PIK3C2A: variants seen among roughly 807,000 people sequenced by gnomAD.
PIK3C2A encodes phosphatidylinositol-4-phosphate 3-kinase catalytic subunit type 2 alpha.
A neutral mutation model predicts 204.5 loss-of-function variants in PIK3C2A; 97 were observed. The observed-to-expected ratio is 0.47, with a 90% CI of 0.40 to 0.56. The LOEUF is 0.56. Among genes scored for constraint, PIK3C2A ranks in the 20% least tolerant of loss-of-function variants. The probability of loss-of-function intolerance (pLI) is 0.00; values close to 1 mark genes in which losing one functional copy is unlikely to be tolerated. For synonymous variants in PIK3C2A, 653 were observed against 664.4 expected (o/e 0.98, Z 0.26); for missense variants, 1,735 against 1,969.2 (o/e 0.88, Z 2.25).
At chr11:17,205,238 G>A (rs556158218) in intron 1 of PIK3C2A, among the ~76,000 whole-genome samples, 2 of 151,462 alleles carry the variant, frequency 1.3e-5, no homozygotes, top group South Asian at 4.2e-4. Flanking sequence ...TTGGGAGGCC[G>A]AGGTGGGCAG....
chr11:17,137,025 C>T (rs1013004561), intron 8 of PIK3C2A, among the ~76,000 whole-genome samples: 21 of 152,106 alleles, frequency 1.4e-4, no homozygotes, highest in Non-Finnish European at 2.5e-4. Context: ...CTTCAGAGGT[C>T]GGTCACATAT....
chr11:17,126,079 A>G (rs1204534937), intron 13 of PIK3C2A, among the ~76,000 whole-genome samples: 1 of 152,104 alleles, frequency 6.6e-6, no homozygotes, highest in Non-Finnish European at 1.5e-5. Context: ...AGCCAAGATC[A>G]TGCCATTGCA....
At chr11:17,117,447 C>A in intron 19 of PIK3C2A, 44 bp downstream of exon 19, 10 of 1,361,094 alleles carry the variant, frequency 7.3e-6, no homozygotes, top group Non-Finnish European at 1.0e-5. Context: ...AAAGATCCTT[C>A]CTTTAACATT....
At chr11:17,153,389 C>A (rs907808576) in intron 3 of PIK3C2A, among the ~76,000 whole-genome samples, 1 of 151,094 alleles carries the variant, frequency 6.6e-6, no homozygotes, top group African/African-American at 2.4e-5. Context: ...GAACTGAGAT[C>A]GCACCACTGC....
intron 1 of PIK3C2A, among the ~76,000 whole-genome samples, chr11:17,172,063 A>G (rs1224527825): frequency 6.6e-6 from 1 of 152,236 alleles, no homozygotes; most frequent in Admixed American, 6.5e-5. Context: ...TTGGTTGCCA[A>G]GACTGAAAAT....
At chr11:17,093,718 A>G (rs1590893298) in intron 28 of PIK3C2A, among the ~76,000 whole-genome samples, 1 of 151,102 alleles carries the variant, frequency 6.6e-6, no homozygotes, top group South Asian at 2.1e-4. Context: ...GCTCACTGCA[A>G]CCTCCACATC....
chr11:17,187,530 CAG>C (rs567547762), intron 1 of PIK3C2A, among the ~76,000 whole-genome samples: 172 of 152,242 alleles, frequency 1.1e-3, no homozygotes, highest in African/African-American at 3.9e-3. Context: ...CACCCATTAG[CAG>C]AGTTTCTCAT....
At chr11:17,118,042 C>T (rs1179863077) in intron 18 of PIK3C2A, among the ~76,000 whole-genome samples, 2 of 149,806 alleles carry the variant, frequency 1.3e-5, no homozygotes, top group African/African-American at 4.9e-5. Flanking sequence ...ACTAGGTGAA[C>T]CTCTCTGAAA....
intron 15 of PIK3C2A, among the ~76,000 whole-genome samples, chr11:17,120,377 G>C (rs1565255203): frequency 6.6e-6 from 1 of 151,488 alleles, no homozygotes. Flanking sequence ...ATAAAATTTT[G>C]GAACATATTT....
rs190192369 is a variant in PIK3C2A at position 17,160,101 on chromosome 11, T to C, written c.1066-4472A>G. Among the ~76,000 whole-genome samples the C allele has an allele frequency of 8.0e-4, 122 of 152,300 alleles. 1 individual carries two copies. Among genetic ancestry groups the C allele is most frequent in the Middle Eastern group, 3.4e-3 (1 of 294 alleles). On this transcript the variant is annotated intron_variant, in intron 2 of 32. Transcript: ENST00000691414. ...TCAGATATCTGGACACCTCATGGCC[T>C]AGTCAAGCTGAAACATAAAATTAAC...
intron 1 of PIK3C2A, among the ~76,000 whole-genome samples, chr11:17,184,662 T>C (rs1037730826): frequency 1.2e-4 from 18 of 152,172 alleles, no homozygotes; most frequent in African/African-American, 4.1e-4. Context: ...TGGCTGGGGA[T>C]GGTGTCTCAT....
At chr11:17,132,820 T>C (rs1322791075) in intron 11 of PIK3C2A, among the ~76,000 whole-genome samples, 3 of 152,214 alleles carry the variant, frequency 2.0e-5, no homozygotes, top group Admixed American at 2.0e-4. Flanking sequence ...CCAATCTTCC[T>C]AGTCTATTGG....
intron 1 of PIK3C2A, among the ~76,000 whole-genome samples, chr11:17,204,151 C>G (rs1419402521): frequency 6.6e-6 from 1 of 151,978 alleles, no homozygotes; most frequent in Admixed American, 6.6e-5. Context: ...ATTAATGCAC[C>G]CAGCCTCTAG....
At chr11:17,192,999 TCATAATTGTGGGATTAATAC>T (rs59858001) in intron 1 of PIK3C2A, among the ~76,000 whole-genome samples, 17,691 of 152,250 alleles carry the variant, frequency 0.12, 1,276 homozygotes, top group Middle Eastern at 0.24. Context: ...TCACACAATG[TCATAATTGTGGGATTAATAC>T]CATAACTGTA....
chr11:17,162,848 T>C (rs968482495), intron 2 of PIK3C2A, among the ~76,000 whole-genome samples: 1 of 152,190 alleles, frequency 6.6e-6, no homozygotes, highest in African/African-American at 2.4e-5. Context: ...AGAGCAACCA[T>C]CATGAAATGT....
rs867509194 is a variant in PIK3C2A, at chr11:17,141,118, G to T, written c.1705-4493C>A. On this transcript the variant is annotated intron_variant, in intron 8 of 32. Coordinates refer to ENST00000691414, the MANE Select transcript of PIK3C2A (RefSeq NM_002645.4). ...TGCGGAACCTTGAAGCTACAATTAGGGCTTTGAATTTTACTAAGTAAGAGA... is the reference window on the plus strand; with the variant it reads ...TGCGGAACCTTGAAGCTACAATTAGTGCTTTGAATTTTACTAAGTAAGAGA... 2.0e-4 allele frequency among the ~76,000 whole-genome samples: 31 copies of T among 152,212 alleles called. No individual in the cohort carries two copies. In the Middle Eastern group the frequency reaches 0.014, roughly 67 times the overall value.
intron 28 of PIK3C2A, among the ~76,000 whole-genome samples, chr11:17,092,529 A>G (rs1406904424): frequency 6.6e-6 from 1 of 152,106 alleles, no homozygotes; most frequent in East Asian, 1.9e-4. Context: ...TAGCGTGCTG[A>G]TGCCTATAAT....
intron 1 of PIK3C2A, among the ~76,000 whole-genome samples, chr11:17,206,968 T>C (rs1264784573): frequency 6.6e-6 from 1 of 152,144 alleles, no homozygotes; most frequent in Non-Finnish European, 1.5e-5. Flanking sequence ...AGAATATAAT[T>C]ATAACCTCAA....
intron 14 of PIK3C2A, 57 bp from the exon 15 acceptor site, chr11:17,122,390 CTCTT>C: frequency 9.4e-7 from 1 of 1,067,150 alleles, no homozygotes; most frequent in South Asian, 1.4e-5. Flanking sequence ...CCACATTAAC[CTCTT>C]TGTCTTTAAG....
Sources: gnomAD v4.1 joint callset for allele counts (sites outside exome capture counted in the v4.1 genomes callset) on GRCh38, gnomAD v4.1.1 for gene constraint, MANE v1.5 for transcripts, NCBI Gene and HGNC (gene_info 2026-07-23, HGNC 2026-07-21) for gene names.